Variants in PRRG1 observed in about 807,000 individuals in gnomAD.
PRRG1 encodes proline rich and Gla domain 1.
Under a neutral mutation model 11.8 loss-of-function variants are expected in PRRG1, and 5 were observed. The ratio of observed to expected loss-of-function variants is 0.42; its 90% CI spans 0.22 to 0.89. The LOEUF (loss-of-function observed/expected upper bound fraction) is 0.89. Among genes scored for constraint, PRRG1 ranks in the 40% least tolerant of loss-of-function variants. The probability of loss-of-function intolerance (pLI) is 0.28; values close to 1 mark genes in which losing one functional copy is unlikely to be tolerated. For synonymous variants in PRRG1, 66 were observed against 60.4 expected, an observed-to-expected ratio of 1.09 and a Z score of -0.43; for missense variants, 155 against 166.1, an observed-to-expected ratio of 0.93 and a Z score of 0.37.
intron 1 of PRRG1, chrX:37,403,890 A>C: frequency 2.4e-6 from 1 of 411,142 alleles, no homozygotes; most frequent in African/African-American, 2.7e-5. Flanking sequence ...GATCTTTGGA[A>C]GTTTATTACT....
intron 1 of PRRG1, among the ~76,000 whole-genome samples, chrX:37,385,894 G>T (rs1556375112): frequency 9.0e-6 from 1 of 111,090 alleles, no homozygotes; most frequent in Admixed American, 9.5e-5. Context: ...CCGAGAAGCT[G>T]GGATTACAGA....
Position 37,392,083 on chromosome X carries a change from T to G in PRRG1, c.-41-14126T>G, listed in dbSNP as rs782522067. On this transcript the variant is annotated intron_variant, in intron 1 of 3. Transcript: ENST00000378628. ...ATAATGGCTGGCTGCCAGTTTTTTGTGTCCATGAACTGAGAATGGTTTTAC... is the reference window on the plus strand; with the variant it reads ...ATAATGGCTGGCTGCCAGTTTTTTGGGTCCATGAACTGAGAATGGTTTTAC... Among the ~76,000 whole-genome samples, 5 of 111,481 alleles carry G rather than the reference T, an allele frequency of 4.5e-5. No individual in the cohort carries two copies. The South Asian group carries it at 1.9e-3, about 42-fold the overall frequency.
chrX:37,411,526 T>C (rs1159792427), intron 2 of PRRG1, among the ~76,000 whole-genome samples: 2 of 112,360 alleles, frequency 1.8e-5, no homozygotes, highest in Non-Finnish European at 3.8e-5. Context: ...AAAAATTTTG[T>C]GATTATTGTT....
chrX:37,360,446 A>G (rs993176240), intron 1 of PRRG1, among the ~76,000 whole-genome samples: 2 of 112,206 alleles, frequency 1.8e-5, no homozygotes, highest in Non-Finnish European at 3.8e-5. Flanking sequence ...TAATCTCTAC[A>G]TATATGGGGG....
intron 3 of PRRG1, among the ~76,000 whole-genome samples, chrX:37,451,329 T>G (rs1921131520): frequency 8.9e-6 from 1 of 112,632 alleles, no homozygotes; most frequent in African/African-American, 3.2e-5. Flanking sequence ...ATTTTTGCTG[T>G]TTTTACAGGA....
intron 3 of PRRG1, among the ~76,000 whole-genome samples, chrX:37,433,670 A>G (rs1470320979): frequency 3.6e-5 from 4 of 111,721 alleles, no homozygotes; most frequent in Non-Finnish European, 7.5e-5. Flanking sequence ...TCCCTAGCAT[A>G]TAAAGCAGTG....
intron 3 of PRRG1, among the ~76,000 whole-genome samples, chrX:37,432,953 G>A (rs1932847467): frequency 9.0e-6 from 1 of 111,322 alleles, no homozygotes; most frequent in Non-Finnish European, 1.9e-5. Flanking sequence ...CTGATCTCCA[G>A]GCTTTTTGCC....
chrX:37,375,718 G>A (rs1277609470), intron 1 of PRRG1, among the ~76,000 whole-genome samples: 3 of 111,002 alleles, frequency 2.7e-5, no homozygotes, highest in Non-Finnish European at 5.7e-5. Context: ...GTAAGAAAGA[G>A]AATGTTCTTG....
intron 1 of PRRG1, among the ~76,000 whole-genome samples, chrX:37,387,278 G>A (rs781878185): frequency 2.0e-4 from 23 of 112,344 alleles, no homozygotes; most frequent in African/African-American, 7.4e-4. Flanking sequence ...CATACTAAGT[G>A]TATATTCTAG....
At chrX:37,424,863 T>C (rs1264421450) in intron 2 of PRRG1, among the ~76,000 whole-genome samples, 1 of 111,638 alleles carries the variant, frequency 9.0e-6, no homozygotes, top group Non-Finnish European at 1.9e-5. Context: ...ATAAAAAGTT[T>C]TTCATTTCCT....
chrX:37,418,330 C>T (rs139142346), intron 2 of PRRG1, among the ~76,000 whole-genome samples: 2 of 111,689 alleles, frequency 1.8e-5, no homozygotes, highest in East Asian at 5.6e-4. Context: ...ACAGAAGGCT[C>T]GAATAAGCAG....
intron 1 of PRRG1, among the ~76,000 whole-genome samples, chrX:37,372,788 T>C (rs1349848824): frequency 8.9e-6 from 1 of 112,981 alleles, no homozygotes. Context: ...CCAGAAACTT[T>C]TTAGTTTGAT....
At chrX:37,402,433 T>A (rs1431734678) in intron 1 of PRRG1, among the ~76,000 whole-genome samples, 2 of 111,679 alleles carry the variant, frequency 1.8e-5, no homozygotes, top group Admixed American at 9.5e-5. Context: ...TAGCGATAAG[T>A]AGAAAGCTGA....
chrX:37,378,499 T>C (rs1556373007), intron 1 of PRRG1, among the ~76,000 whole-genome samples: 1 of 111,930 alleles, frequency 8.9e-6, no homozygotes, highest in Non-Finnish European at 1.9e-5. Context: ...TGAGTGACTT[T>C]CCTTGATAGT....
chrX:37,395,375 G>A (rs1191077127), intron 1 of PRRG1, among the ~76,000 whole-genome samples: 2 of 111,548 alleles, frequency 1.8e-5, no homozygotes, highest in Non-Finnish European at 3.8e-5. Flanking sequence ...AGCACTTTGG[G>A]CGGCCAAGGC....
At chrX:37,430,432 C>T (rs1383583103) in intron 3 of PRRG1, among the ~76,000 whole-genome samples, 2 of 111,923 alleles carry the variant, frequency 1.8e-5, no homozygotes, top group African/African-American at 6.5e-5. Flanking sequence ...TCCAGCCATT[C>T]TACTTTTGTA....
chrX:37,406,595 T>TTTTTCTG (rs1372591818), intron 2 of PRRG1, among the ~76,000 whole-genome samples: 16 of 110,266 alleles, frequency 1.5e-4, no homozygotes, highest in African/African-American at 4.9e-4. Context: ...TTATAAGTCT[T>TTTTTCTG]TTTTCTGTTT....
At chrX:37,438,161 G>A (rs1356342837) in intron 3 of PRRG1, among the ~76,000 whole-genome samples, 17 of 110,451 alleles carry the variant, frequency 1.5e-4, no homozygotes, top group Admixed American at 1.4e-3. Flanking sequence ...GCAGTGAGCC[G>A]AGATCGCACC....
At chrX:37,441,373 C>T (rs1469585284) in intron 3 of PRRG1, 4 of 753,112 alleles carry the variant, frequency 5.3e-6, no homozygotes, top group East Asian at 1.5e-4. Context: ...TCCTCCCTGC[C>T]CACTTCCACT....
Sources: gnomAD v4.1 joint callset for allele counts (sites outside exome capture counted in the v4.1 genomes callset) on GRCh38, gnomAD v4.1.1 for gene constraint, MANE v1.5 for transcripts, NCBI Gene and HGNC (gene_info 2026-07-23, HGNC 2026-07-21) for gene names.